The following LMBR1L variants were observed in gnomAD, a reference collection of about 807,000 sequenced individuals.
The protein encoded by LMBR1L is limb development membrane protein 1 like.
Under a neutral mutation model 67.3 loss-of-function variants are expected in LMBR1L, and 47 were observed. The ratio of observed to expected loss-of-function variants is 0.70; its 90% CI spans 0.55 to 0.89. The LOEUF (loss-of-function observed/expected upper bound fraction) is 0.89. Ranked by LOEUF, LMBR1L falls within the 40% of genes least tolerant of loss-of-function variation. The probability of loss-of-function intolerance (pLI) is 0.00; values close to 1 mark genes in which losing one functional copy is unlikely to be tolerated. For synonymous variants in LMBR1L, 247 were observed against 250.3 expected, an observed-to-expected ratio of 0.99 and a Z score of 0.13; for missense variants, 533 against 599.2, an observed-to-expected ratio of 0.89 and a Z score of 1.15.
chr12:49,107,848 G>GC (rs1178695648), intron 1 of LMBR1L, among the ~76,000 whole-genome samples: 1 of 152,204 alleles, frequency 6.6e-6, no homozygotes, highest in East Asian at 1.9e-4. Flanking sequence ...GAGAGTCTCC[G>GC]CCAGGCACTG....
In LMBR1L at chr12:49,110,614, AG is replaced by A. The variant is rs773519038; in HGVS notation, c.-60del. On this transcript the variant is annotated 5_prime_UTR_variant, in exon 1 of 17. Transcript: ENST00000267102. ...CTGGGCCCGGGGAGGACGAGCGGGGAGGAAGCCGCCGCCGCCAAGCACCCAG... is the reference window on the plus strand; with the variant it reads ...CTGGGCCCGGGGAGGACGAGCGGGGAGAAGCCGCCGCCGCCAAGCACCCAG... The A allele has an allele frequency of 3.3e-6, 5 of 1,517,108 alleles. No individual in the cohort carries two copies. The African/African-American group carries it at 6.8e-5, about 21-fold the overall frequency. The allele number at this position is 1,517,108 out of a possible 1,614,324, so 94.0% of individuals were successfully genotyped here. A position where few individuals can be genotyped will look rare whatever the true frequency, so the allele number is the denominator to read the frequency against.
At chr12:49,100,931 G>A (rs1315140050) in intron 13 of LMBR1L, 1 of 545,670 alleles carries the variant, frequency 1.8e-6, no homozygotes, top group Admixed American at 3.3e-5. Context: ...GTTTCACCAT[G>A]TTGCTCAGGC....
intron 8 of LMBR1L, 107 bp from the exon 9 acceptor site, chr12:49,102,647 G>T: frequency 8.4e-7 from 1 of 1,193,304 alleles, no homozygotes; most frequent in Non-Finnish European, 1.2e-6. Context: ...GCTTCCCCCA[G>T]ACCCTCATTC....
At position 49,102,130 on chromosome 12, in the gene LMBR1L, A is replaced by C; in HGVS notation, c.920T>G (p.Leu307Arg). The change falls in exon 11 of 17, where the codon CTG (leucine) becomes CGG (arginine). Residue 307 changes from leucine (L) to arginine (R), a missense_variant. By Grantham distance (102) the Leu-to-Arg change is moderately radical. This residue lies in a region of LMBR1L where 223 missense variants were observed against 241.2 expected (regional missense o/e 0.92). Transcript: ENST00000267102. ...LGYPLAMLCLLVLTGLSVLIV... is the reference protein window; with the variant it reads ...LGYPLAMLCLRVLTGLSVLIV... ...GGCTGGTATACCTACCGTCAGCACCAGCAAGCACAGCATAGCCAGGGGGTA... is the reference window on the plus strand; with the variant it reads ...GGCTGGTATACCTACCGTCAGCACCCGCAAGCACAGCATAGCCAGGGGGTA... 1.2e-6 allele frequency: 2 copies of C among 1,614,146 alleles called. No individual in the cohort carries two copies. The highest frequency in any genetic ancestry group is 1.7e-6 in the Non-Finnish European group (2 of 1,180,010).
At chr12:49,097,830 T>C in intron 16 of LMBR1L, 91 bp from the exon 17 acceptor site, 2 of 1,597,272 alleles carry the variant, frequency 1.3e-6, no homozygotes, top group African/African-American at 1.3e-5. Flanking sequence ...GTGGATGAGG[T>C]ACGTTACCCA....
intron 1 of LMBR1L, chr12:49,110,054 T>C (rs909358214): frequency 4.3e-6 from 2 of 462,232 alleles, no homozygotes; most frequent in East Asian, 1.4e-4. Flanking sequence ...CCTCCCCTCT[T>C]TTCTGGAATC....
At position 49,103,696 on chromosome 12, in the gene LMBR1L, ACTCT is replaced by A. The variant is rs1395604910; in HGVS notation, c.549_552del (p.Arg183SerfsTer45). 1 of 1,613,184 alleles carries A rather than the reference ACTCT, an allele frequency of 6.2e-7. No individual in the cohort carries two copies. The highest frequency in any genetic ancestry group is 8.5e-7 in the Non-Finnish European group (1 of 1,179,668). ...AAGCTGGGCCGCTCACCATAGAGTG[ACTCT>A]CTGTTGGCCTTGTTCTTGTCCACAA... is the stretch of plus-strand genomic sequence containing the variant. On this transcript the variant is annotated frameshift_variant, in exon 6 of 17. Transcript: ENST00000267102. LOFTEE classifies it high-confidence loss of function.
intron 2 of LMBR1L, chr12:49,106,168 A>G (rs1174196612): frequency 1.8e-6 from 1 of 568,282 alleles, no homozygotes; most frequent in Middle Eastern, 4.7e-4. Flanking sequence ...CCAGGTGAAG[A>G]GAATACAGGC....
In LMBR1L at chr12:49,103,566, A is replaced by C. The variant is rs76974906; in HGVS notation, c.562+121T>G. ...TTTGGCCAGATGTCTATCAGTTTGA[A>C]ACTTCAGTCTAAGGGAGAAGGTGCC... On this transcript the variant is annotated intron_variant, in intron 6 of 16. Transcript: ENST00000267102. 3,349 of 1,267,310 alleles carry C rather than the reference A, an allele frequency of 2.6e-3. 10 individuals are homozygous for C. The highest frequency in any genetic ancestry group is 3.4e-3 in the Non-Finnish European group (3,165 of 930,778). The allele number at this position is 1,267,310 out of a possible 1,614,324, so 78.5% of individuals were successfully genotyped here.
At chr12:49,107,669 G>C (rs1941073037) in intron 1 of LMBR1L, among the ~76,000 whole-genome samples, 1 of 152,214 alleles carries the variant, frequency 6.6e-6, no homozygotes, top group African/African-American at 2.4e-5. Flanking sequence ...GTGGGCTTTA[G>C]CTGGGGCCCA....
Position 49,103,138 on chromosome 12 carries a change from G to A in LMBR1L, c.584C>T (p.Pro195Leu), listed in dbSNP as rs1282625452. ...SLYDFWEYYLPYLYSCISFLG... is the reference protein window; with the variant it reads ...SLYDFWEYYLLYLYSCISFLG... ...GAAGGAGATGCATGAGTAGAGGTAG[G>A]GGAGATAGTACTCCCAAAAGTCTAA... The change falls in exon 7 of 17, where the codon CCC (proline) becomes CTC (leucine). Residue 195 changes from proline (P) to leucine (L), a missense_variant. This residue lies in a region of LMBR1L where 246 missense variants were observed against 249.0 expected (regional missense o/e 0.99). Coordinates refer to ENST00000267102, the MANE Select transcript of LMBR1L (RefSeq NM_018113.4). 2.5e-6 allele frequency: 4 copies of A among 1,613,868 alleles called. No homozygotes were observed. Among genetic ancestry groups the A allele is most frequent in the Non-Finnish European group, 3.4e-6 (4 of 1,179,916 alleles).
chr12:49,101,947 G>C, intron 11 of LMBR1L, 173 bp downstream of exon 11: 1 of 613,552 alleles, frequency 1.6e-6, no homozygotes, highest in Non-Finnish European at 2.9e-6. Flanking sequence ...ACAAAATGGG[G>C]ATTGATGTGC....
chr12:49,101,028 C>T, intron 13 of LMBR1L: 1 of 1,020,750 alleles, frequency 9.8e-7, no homozygotes, highest in South Asian at 1.7e-5. Flanking sequence ...TGCACCTGGC[C>T]TCTTTTTATT....
Position 49,097,613 on chromosome 12 carries a change from C to A in LMBR1L, c.*59G>T. ...GGTCCAAGTAGCCTTGGGCTTCCCTCCAGGCCTAGGCAGCAGATGGCAGTG... is the reference window on the plus strand; with the variant it reads ...GGTCCAAGTAGCCTTGGGCTTCCCTACAGGCCTAGGCAGCAGATGGCAGTG... On this transcript the variant is annotated 3_prime_UTR_variant, in exon 17 of 17. Transcript: ENST00000267102. The A allele has an allele frequency of 6.4e-7, 1 of 1,567,454 alleles. No individual in the cohort carries two copies. The highest frequency in any genetic ancestry group is 1.7e-5 in the Admixed American group (1 of 59,624).
chr12:49,101,548 C>A lies in LMBR1L; in HGVS notation c.932G>T (p.Gly311Val). The change falls in exon 12 of 17, where the codon GGC becomes GTC. Residue 311 changes from glycine to valine, a missense_variant and splice_region_variant. This residue lies in a region of LMBR1L where 223 missense variants were observed against 241.2 expected (regional missense o/e 0.92). Coordinates refer to ENST00000267102, the MANE Select transcript of LMBR1L (RefSeq NM_018113.4). The stretch of plus-strand genomic sequence containing the variant: ...GATGGCCACAATGAGCACAGACAGG[C>A]CCTGTGTGAGGCAAGGTCAGACTCC... ...LAMLCLLVLT[G>V]LSVLIVAIHI... is the part of the protein sequence containing the mutation. 6.2e-7 allele frequency: 1 copy of A among 1,611,956 alleles called. No individual in the cohort carries two copies. The highest frequency in any genetic ancestry group is 1.1e-5 in the South Asian group (1 of 90,726).
At chr12:49,098,130 AGGTG>A in intron 15 of LMBR1L, 25 bp from the exon 16 acceptor site, 37 of 1,597,464 alleles carry the variant, frequency 2.3e-5, no homozygotes, top group Non-Finnish European at 2.9e-5. Flanking sequence ...CCAGGATGAG[AGGTG>A]GGCTCCCCAG....
intron 1 of LMBR1L, among the ~76,000 whole-genome samples, chr12:49,107,774 C>T (rs1257389122): frequency 6.6e-6 from 1 of 152,216 alleles, no homozygotes; most frequent in African/African-American, 2.4e-5. Flanking sequence ...CTACTCTACT[C>T]CAAGTAAGCT....
chr12:49,108,185 T>C (rs1356291690), intron 1 of LMBR1L, among the ~76,000 whole-genome samples: 2 of 151,082 alleles, frequency 1.3e-5, no homozygotes, highest in East Asian at 2.0e-4. Context: ...ATCACTTGAA[T>C]TCAGGAGGTG....
In LMBR1L at chr12:49,110,788, C is replaced by T; in HGVS notation, c.-233G>A. On this transcript the variant is annotated 5_prime_UTR_variant, in exon 1 of 17. The change creates a new upstream start codon in the 5' untranslated region. Transcript: ENST00000267102. ...GGCTCTGTCCTCCCTTTGCTCCCCA[C>T]TCTTTAAGGTCGGGTCGCGCTCACG... 5.4e-6 allele frequency: 3 copies of T among 554,180 alleles called. No individual in the cohort carries two copies. The South Asian group carries it at 6.6e-5, about 12-fold the overall frequency. The allele number at this position is 554,180 out of a possible 1,614,324, so 34.3% of individuals were successfully genotyped here. A position where few individuals can be genotyped will look rare whatever the true frequency, so the allele number is the denominator to read the frequency against.
Sources: allele counts gnomAD v4.1 joint callset (sites outside exome capture counted in the v4.1 genomes callset), GRCh38; gene constraint gnomAD v4.1.1; regional missense constraint gnomAD v4.1.1; transcripts MANE v1.5; gene names NCBI Gene and HGNC (gene_info 2026-07-23, HGNC 2026-07-21).